TTC1: variants seen among roughly 807,000 people sequenced by gnomAD.
TTC1 encodes the protein tetratricopeptide repeat protein 1.
A neutral mutation model predicts 37.6 loss-of-function variants in TTC1; 31 were observed. That is an observed-to-expected ratio of 0.82 (90% CI 0.62 to 1.11). TTC1 has a LOEUF of 1.11. Among genes scored for constraint, TTC1 ranks in the 50% most tolerant of loss-of-function variants. The pLI is 0.00. For missense variants in TTC1, 351 were observed against 339.0 expected (o/e 1.04, Z -0.28); for synonymous variants, 127 against 122.4 (o/e 1.04, Z -0.25).
chr5:160,022,582 ATATAG>A (rs1561626906), intron 2 of TTC1, among the ~76,000 whole-genome samples: 1 of 152,198 alleles, frequency 6.6e-6, no homozygotes, highest in Non-Finnish European at 1.5e-5. Context: ...CAGGCATCTA[ATATAG>A]TATAGGTAAT....
intron 5 of TTC1, among the ~76,000 whole-genome samples, chr5:160,045,518 ACACTCTCTCT>A (rs1561634935): frequency 4.3e-4 from 28 of 65,738 alleles, no homozygotes; most frequent in African/African-American, 1.8e-3. Flanking sequence ...ACACACATAC[ACACTCTCTCT>A]CTCTCTCTCT....
rs151026006 is a variant in TTC1 at position 160,049,619 on chromosome 5, T to G, written c.647T>G (p.Leu216Ter). 2 of 1,605,652 alleles carry G rather than the reference T, an allele frequency of 1.2e-6. No individual in the cohort carries two copies. Among genetic ancestry groups the G allele is most frequent in the Admixed American group, 1.7e-5 (1 of 58,316 alleles). The change falls in exon 6 of 8, where the codon TTA becomes TGA. Residue 216 changes from leucine (L) to a stop codon, truncating the protein, a stop_gained. Coordinates refer to ENST00000231238, the MANE Select transcript of TTC1 (RefSeq NM_003314.3). LOFTEE classifies it high-confidence loss of function. Reference protein sequence around the residue: ...DEALEDYKSILEKDPSIHQAR... With the variant: ...DEALEDYKSI ...GCCCTGGAAGACTATAAATCTATATTAGAAAAAGATCCATCAATACATCAA... is the reference window on the plus strand; with the variant it reads ...GCCCTGGAAGACTATAAATCTATATGAGAAAAAGATCCATCAATACATCAA...
chr5:160,030,183 C>G (rs902682212), intron 2 of TTC1, among the ~76,000 whole-genome samples: 1 of 152,124 alleles, frequency 6.6e-6, no homozygotes, highest in East Asian at 1.9e-4. Context: ...GTGGTTTGTA[C>G]TAGACTTTGA....
intron 5 of TTC1, among the ~76,000 whole-genome samples, chr5:160,043,978 T>G (rs955855549): frequency 3.3e-5 from 5 of 152,170 alleles, no homozygotes; most frequent in African/African-American, 1.2e-4. Context: ...TGGGGTTGTT[T>G]TGTTTTGTTT....
chr5:160,029,727 G>A (rs1756873259), intron 2 of TTC1, among the ~76,000 whole-genome samples: 1 of 152,152 alleles, frequency 6.6e-6, no homozygotes, highest in African/African-American at 2.4e-5. Context: ...AAGATATGGA[G>A]GTAGGCAAAG....
At chr5:160,030,538 A>G (rs932557123) in intron 2 of TTC1, among the ~76,000 whole-genome samples, 10 of 152,236 alleles carry the variant, frequency 6.6e-5, no homozygotes. Context: ...GAAGCGCTGT[A>G]CTGGTATAGG....
chr5:160,060,372 C>G (rs10065759), intron 7 of TTC1, among the ~76,000 whole-genome samples: 91,661 of 152,060 alleles, frequency 0.6, 27,624 homozygotes, highest in East Asian at 0.62. Context: ...CAACTGAACC[C>G]AGTGGCAAGC....
At chr5:160,028,402 C>T (rs1756847727) in intron 2 of TTC1, among the ~76,000 whole-genome samples, 1 of 151,826 alleles carries the variant, frequency 6.6e-6, no homozygotes, top group Admixed American at 6.6e-5. Flanking sequence ...GTCAAGAGGG[C>T]CCTGTTCATT....
chr5:160,027,293 T>G (rs970134014), intron 2 of TTC1, among the ~76,000 whole-genome samples: 5 of 152,242 alleles, frequency 3.3e-5, no homozygotes, highest in African/African-American at 1.2e-4. Flanking sequence ...CCTCCCAAAG[T>G]GCTGAAATTA....
At chr5:160,010,894 T>TA (rs937710043) in intron 2 of TTC1, 36 bp downstream of exon 2, 1 of 1,568,766 alleles carries the variant, frequency 6.4e-7, no homozygotes, top group Non-Finnish European at 8.7e-7. Flanking sequence ...ATCTGCCACT[T>TA]ACACTGCATT....
rs1757566426 is a variant in TTC1 at position 160,057,116 on chromosome 5, G to A, written c.745+5933G>A. 6.6e-6 allele frequency among the ~76,000 whole-genome samples: 1 copy of A among 152,174 alleles called. No homozygotes were observed. The highest frequency in any genetic ancestry group is 2.1e-4 in the South Asian group (1 of 4,836). On this transcript the variant is annotated intron_variant, in intron 7 of 7. Transcript: ENST00000231238. The surrounding 1 kb of genome is among the most constrained non-coding windows in gnomAD (Gnocchi z 4.4). ...GTTGTGGTTGGTTGTTCCCTCAGTA[G>A]AGAATATCAGTAGCTTTTCAGTGCT... is the stretch of plus-strand genomic sequence containing the variant.
intron 2 of TTC1, among the ~76,000 whole-genome samples, chr5:160,024,232 A>T (rs1348476060): frequency 1.3e-5 from 2 of 152,178 alleles, no homozygotes; most frequent in East Asian, 3.8e-4. Context: ...GATAAAAATT[A>T]TTTCCCAGGT....
At chr5:160,055,017 G>A (rs1399738968) in intron 7 of TTC1, among the ~76,000 whole-genome samples, 2 of 152,162 alleles carry the variant, frequency 1.3e-5, no homozygotes. Flanking sequence ...CCTTATGGGA[G>A]GAGTGCCTTC....
chr5:160,051,251 C>A, intron 7 of TTC1, 68 bp downstream of exon 7: 1 of 1,286,694 alleles, frequency 7.8e-7, no homozygotes, highest in Non-Finnish European at 1.1e-6. Context: ...ATAGCGAATA[C>A]TAGAGGAGAA....
intron 2 of TTC1, among the ~76,000 whole-genome samples, chr5:160,013,775 T>A (rs1756545746): frequency 6.6e-6 from 1 of 151,584 alleles, no homozygotes; most frequent in Non-Finnish European, 1.5e-5. Context: ...ACTAAAACAT[T>A]ATGTCTCATC....
chr5:160,043,074 C>G (rs1256088310), intron 4 of TTC1, 59 bp from the exon 5 acceptor site: 1 of 1,557,562 alleles, frequency 6.4e-7, no homozygotes, highest in East Asian at 2.2e-5. Flanking sequence ...TGTCATTAAG[C>G]CTTTGGGCCA....
intron 5 of TTC1, among the ~76,000 whole-genome samples, chr5:160,045,401 A>G (rs1757188382): frequency 6.6e-6 from 1 of 151,222 alleles, no homozygotes; most frequent in Admixed American, 6.6e-5. Context: ...GGCAAATTAC[A>G]TTTATATCAA....
intron 5 of TTC1, among the ~76,000 whole-genome samples, chr5:160,044,457 CAT>C: frequency 1.3e-5 from 2 of 152,206 alleles, no homozygotes. Context: ...GTGGATTACT[CAT>C]GAGATTTCCA....
rs116271667 is a variant in TTC1 at position 160,065,111 on chromosome 5, C to T, written c.*46C>T. 2.9e-4 allele frequency: 458 copies of T among 1,592,982 alleles called. 1 individual carries two copies. The African/African-American group carries it at 5.5e-3, about 19-fold the overall frequency. Reference sequence around the variant, plus strand: ...CAAGCTGACTTGGAATTGTGTGCTGCTTGCTGTTAGCTAGGGGAAAGGCCC... The same window carrying T: ...CAAGCTGACTTGGAATTGTGTGCTGTTTGCTGTTAGCTAGGGGAAAGGCCC... On this transcript the variant is annotated 3_prime_UTR_variant, in exon 8 of 8. Transcript: ENST00000231238.
Sources: allele counts gnomAD v4.1 joint callset (sites outside exome capture counted in the v4.1 genomes callset), GRCh38; gene constraint gnomAD v4.1.1; non-coding constraint Gnocchi (gnomAD v3.1); transcripts MANE v1.5; gene names NCBI Gene and HGNC (gene_info 2026-07-23, HGNC 2026-07-21).